The following SLC26A8 variants were observed in gnomAD, a reference collection of about 807,000 sequenced individuals.
SLC26A8 encodes the protein solute carrier family 26 member 8, also known as testis anion transporter 1.
A neutral mutation model predicts 105.0 loss-of-function variants in SLC26A8; 70 were observed. The observed-to-expected ratio is 0.67, with a 90% CI of 0.55 to 0.81. The LOEUF is 0.81. Ranked by LOEUF, SLC26A8 falls within the 40% of genes least tolerant of loss-of-function variation. The pLI is 0.00. For synonymous variants in SLC26A8, 415 were observed against 438.3 expected (o/e 0.95, Z 0.66); for missense variants, 998 against 1,181.8 (o/e 0.84, Z 2.28).
In SLC26A8 at chr6:35,968,922, C is replaced by G. The variant is rs1352446643; in HGVS notation, c.1320G>C (p.Leu440=). The G allele has an allele frequency of 1.9e-6, 3 of 1,612,236 alleles. No individual in the cohort carries two copies. The highest frequency in any genetic ancestry group is 2.5e-6 in the Non-Finnish European group (3 of 1,179,482). The change falls in exon 11 of 20, where the codon CTG becomes CTC. Residue 440 remains leucine (L), a synonymous_variant. Coordinates refer to ENST00000490799, the MANE Select transcript of SLC26A8 (RefSeq NM_052961.4). ...FASLVGAGVM[L]LLMVKMGHFF... The stretch of plus-strand genomic sequence containing the variant: ...AGTGTCCCATCTTCACCATCAGGAG[C>G]AGCATCACACCTGCGCCTACCAGAG...
At chr6:35,953,140 G>A (rs1352351499) in intron 17 of SLC26A8, among the ~76,000 whole-genome samples, 3 of 151,286 alleles carry the variant, frequency 2.0e-5, no homozygotes, top group Non-Finnish European at 2.9e-5. Context: ...AGGAAATGAA[G>A]AAACCTGTAT....
At chr6:35,958,980 T>C (rs1173384306) in intron 16 of SLC26A8, among the ~76,000 whole-genome samples, 1 of 152,138 alleles carries the variant, frequency 6.6e-6, no homozygotes, top group Non-Finnish European at 1.5e-5. Context: ...CCCCGCTCCT[T>C]TCCCCCATCT....
chr6:36,004,537 T>C (rs1159138003), intron 3 of SLC26A8, among the ~76,000 whole-genome samples: 1 of 152,142 alleles, frequency 6.6e-6, no homozygotes, highest in African/African-American at 2.4e-5. Context: ...ATAAAAATCA[T>C]CTGTGAATAA....
At chr6:35,967,900 C>A (rs1772583411) in intron 11 of SLC26A8, among the ~76,000 whole-genome samples, 4 of 152,200 alleles carry the variant, frequency 2.6e-5, no homozygotes, top group Admixed American at 2.6e-4. Context: ...GTCACCCAGG[C>A]TGGAGTGCAA....
At chr6:36,021,536 G>C (rs375360742) in intron 1 of SLC26A8, among the ~76,000 whole-genome samples, 1 of 152,176 alleles carries the variant, frequency 6.6e-6, no homozygotes, top group African/African-American at 2.4e-5. Context: ...ATTAAAGGAG[G>C]ATTGGTGTAA....
At chr6:35,945,208 C>G (rs149411310) in intron 19 of SLC26A8, among the ~76,000 whole-genome samples, 136 of 152,258 alleles carry the variant, frequency 8.9e-4, no homozygotes, top group African/African-American at 3.1e-3. Context: ...ATGACATCAT[C>G]CATAAATCTG....
rs757570864 is a variant in SLC26A8 at position 35,975,419 on chromosome 6, T to C, written c.1243A>G (p.Ile415Val). The C allele has an allele frequency of 6.2e-7, 1 of 1,613,624 alleles. No homozygotes were observed. The highest frequency in any genetic ancestry group is 8.5e-7 in the Non-Finnish European group (1 of 1,179,702). The change falls in exon 10 of 20, where the codon ATT becomes GTT. Residue 415 changes from isoleucine (I) to valine (V), a missense_variant. Physicochemically the swap from Ile to Val is conservative, Grantham distance 29. Transcript: ENST00000490799. ...TTATCCTGGATAATAGTCCTAGCAATAGCACCAGTAAACACACAAGATCTG... is the reference window on the plus strand; with the variant it reads ...TTATCCTGGATAATAGTCCTAGCAACAGCACCAGTAAACACACAAGATCTG... Reference protein sequence around the residue: ...FFRSCVFTGAIARTIIQDKSG... With the variant: ...FFRSCVFTGAVARTIIQDKSG...
At chr6:35,948,079 G>T (rs1348616836) in intron 19 of SLC26A8, among the ~76,000 whole-genome samples, 1 of 152,108 alleles carries the variant, frequency 6.6e-6, no homozygotes, top group African/African-American at 2.4e-5. Flanking sequence ...ATACTATAAA[G>T]ATATAAATTC....
At chr6:35,954,054 A>T (rs1302674065) in intron 17 of SLC26A8, among the ~76,000 whole-genome samples, 1 of 152,236 alleles carries the variant, frequency 6.6e-6, no homozygotes, top group Non-Finnish European at 1.5e-5. Flanking sequence ...AACCTGAGCC[A>T]TCACCAAGAG....
chr6:35,991,944 C>G, intron 6 of SLC26A8, 136 bp from the exon 7 acceptor site: 1 of 824,964 alleles, frequency 1.2e-6, no homozygotes, highest in Non-Finnish European at 1.7e-6. Context: ...ATGGGTATTA[C>G]TAGAACAGTG....
chr6:35,959,061 C>A (rs555978744), intron 16 of SLC26A8, among the ~76,000 whole-genome samples: 2 of 152,322 alleles, frequency 1.3e-5, no homozygotes, highest in Non-Finnish European at 2.9e-5. Context: ...GCCCAGCAAC[C>A]TTGACCTTGC....
intron 10 of SLC26A8, among the ~76,000 whole-genome samples, chr6:35,971,803 A>G (rs780628270): frequency 1.2e-4 from 19 of 152,170 alleles, no homozygotes; most frequent in Non-Finnish European, 2.2e-4. Context: ...TCTCTTTTAC[A>G]ATAACCCATT....
At chr6:35,952,786 C>G (rs540423241) in intron 17 of SLC26A8, among the ~76,000 whole-genome samples, 8 of 152,122 alleles carry the variant, frequency 5.3e-5, no homozygotes, top group South Asian at 4.2e-4. Context: ...GAGGCTGAGG[C>G]AAGCAGATCA....
At chr6:35,970,333 C>T (rs1373595433) in intron 10 of SLC26A8, among the ~76,000 whole-genome samples, 2 of 152,194 alleles carry the variant, frequency 1.3e-5, no homozygotes, top group Middle Eastern at 3.2e-3. Context: ...ATGCAATCAA[C>T]GTCCTGCTTC....
chr6:35,960,380 G>C (rs1336069621), intron 14 of SLC26A8: 1 of 164,580 alleles, frequency 6.1e-6, no homozygotes, highest in Non-Finnish European at 1.3e-5. Flanking sequence ...TCTTGGCTGG[G>C]TGTGTTGAGT....
intron 10 of SLC26A8, among the ~76,000 whole-genome samples, chr6:35,970,503 G>A (rs1311278259): frequency 6.6e-6 from 1 of 152,186 alleles, no homozygotes; most frequent in Non-Finnish European, 1.5e-5. Context: ...CTGTGGAACT[G>A]AGACAGGTAA....
At chr6:35,959,647 G>C in intron 15 of SLC26A8, 56 bp from the exon 16 acceptor site, 2 of 1,607,278 alleles carry the variant, frequency 1.2e-6, no homozygotes, top group Non-Finnish European at 1.7e-6. Flanking sequence ...GAAGGTGAAA[G>C]AGTGGGAGAG....
At chr6:36,003,631 CGTTTATGATA>C (rs1761590569) in intron 3 of SLC26A8, among the ~76,000 whole-genome samples, 1 of 151,476 alleles carries the variant, frequency 6.6e-6, no homozygotes, top group African/African-American at 2.4e-5. Context: ...CTTATTTTGG[CGTTTATGATA>C]ATAATTTCTT....
intron 1 of SLC26A8, among the ~76,000 whole-genome samples, chr6:36,022,299 G>A (rs1365813556): frequency 6.6e-6 from 1 of 152,162 alleles, no homozygotes; most frequent in African/African-American, 2.4e-5. Context: ...GTAGTAATAC[G>A]CACAGAGATG....
Sources: allele counts gnomAD v4.1 joint callset (sites outside exome capture counted in the v4.1 genomes callset), GRCh38; gene constraint gnomAD v4.1.1; transcripts MANE v1.5; gene names NCBI Gene and HGNC (gene_info 2026-07-23, HGNC 2026-07-21).